Variants in CD5L observed in about 807,000 individuals in gnomAD.
The protein encoded by CD5L is CD5 antigen-like.
Under a neutral mutation model 40.8 loss-of-function variants are expected in CD5L, and 39 were observed. The observed-to-expected ratio is 0.96, with a 90% CI of 0.74 to 1.25. The LOEUF (loss-of-function observed/expected upper bound fraction) is 1.25. Among genes scored for constraint, CD5L ranks in the 50% most tolerant of loss-of-function variants. CD5L has a pLI of 0.00. For missense variants in CD5L, 433 were observed against 435.9 expected (o/e 0.99, Z 0.06); for synonymous variants, 192 against 169.6 (o/e 1.13, Z -1.03).
At chr1:157,828,641 C>T (rs1244341979), downstream of CD5L, among the ~76,000 whole-genome samples, 1 of 152,130 alleles carries the variant, frequency 6.6e-6, no homozygotes, top group Non-Finnish European at 1.5e-5. Flanking sequence ...ACTCAGTTGC[C>T]CCCAGCAGTA....
At chr1:157,830,830 C>A (rs953775867), downstream of CD5L, 1 of 526,844 alleles carries the variant, frequency 1.9e-6, no homozygotes, top group Non-Finnish European at 2.4e-6. Context: ...TTCTACCTAA[C>A]CCTGTTTAAG....
chr1:157,839,480 G>A (rs1329245092), intron 1 of CD5L, 70 bp from the exon 2 acceptor site: 6 of 1,516,508 alleles, frequency 4.0e-6, no homozygotes, highest in Non-Finnish European at 5.5e-6. Flanking sequence ...AACTCTAGAA[G>A]GCCTTCACAG....
rs779503779 is a variant in CD5L at position 157,841,724 on chromosome 1, G to A, written c.-23C>T. 3 of 1,611,586 alleles carry A rather than the reference G, an allele frequency of 1.9e-6. No homozygotes were observed. The highest frequency in any genetic ancestry group is 1.7e-6 in the Non-Finnish European group (2 of 1,178,486). ...CATGACCAAGGCAGGTGAAGGTGAT[G>A]AGCTGAAATTTAAGGCTAGAAGGAG... On this transcript the variant is annotated 5_prime_UTR_variant, in exon 1 of 6. Transcript: ENST00000368174.
At chr1:157,833,048 C>T in intron 5 of CD5L, 144 bp downstream of exon 5, 1 of 723,038 alleles carries the variant, frequency 1.4e-6, no homozygotes, top group Non-Finnish European at 2.3e-6. Flanking sequence ...AGCCATATCC[C>T]TGGAAGTACA....
At chr1:157,835,718 G>A (rs1041425655) in intron 3 of CD5L, 117 bp downstream of exon 3, 3 of 780,890 alleles carry the variant, frequency 3.8e-6, no homozygotes, top group Non-Finnish European at 6.3e-6. Context: ...GAGATGTGGG[G>A]GGTGAGGGGC....
intron 1 of CD5L, among the ~76,000 whole-genome samples, chr1:157,841,114 G>T (rs1011885732): frequency 1.3e-5 from 2 of 152,096 alleles, no homozygotes; most frequent in Non-Finnish European, 2.9e-5. Context: ...TTTCAGAGAG[G>T]TATGGTAACC....
Position 157,834,845 on chromosome 1 carries a change from C to A in CD5L, c.377-97G>T, listed in dbSNP as rs369226585. On this transcript the variant is annotated intron_variant, in intron 3 of 5. Transcript: ENST00000368174. ...GACACATCTCACAGTTCTTGGTGTT[C>A]AGTACAAGGCATGCTAAAGTGCTTA... 101 of 876,286 alleles carry A rather than the reference C, an allele frequency of 1.2e-4. No individual in the cohort carries two copies. The African/African-American group carries it at 1.4e-3, about 12-fold the overall frequency. 54.3% of individuals were successfully genotyped at this position (876,286 alleles called of 1,614,324 possible). A position where few individuals can be genotyped will look rare whatever the true frequency, so the allele number is the denominator to read the frequency against.
chr1:157,832,483 A>G (rs1178937691), intron 5 of CD5L, among the ~76,000 whole-genome samples: 1 of 152,220 alleles, frequency 6.6e-6, no homozygotes, highest in Non-Finnish European at 1.5e-5. Context: ...ATGGGGCTTC[A>G]GACGGGTGGC....
At chr1:157,835,344 C>T (rs2101938127) in intron 3 of CD5L, among the ~76,000 whole-genome samples, 1 of 152,284 alleles carries the variant, frequency 6.6e-6, no homozygotes, top group South Asian at 2.1e-4. Context: ...AGCACAGATC[C>T]GTTTGTCTAT....
downstream of CD5L, among the ~76,000 whole-genome samples, chr1:157,829,507 G>A (rs915618057): frequency 4.6e-5 from 7 of 152,024 alleles, no homozygotes; most frequent in Non-Finnish European, 1.0e-4. Flanking sequence ...AAGAATTATT[G>A]GGCATTTATA....
rs1480526823 is a variant in CD5L at position 157,834,426 on chromosome 1, GTCT to G, written c.696_698del (p.Glu232del). ...CATTACCTTCACATTCGACCCACGT[GTCT>G]TCATCATGGTTGCAGGTGTTCTTCC... On this transcript the variant is annotated inframe_deletion, in exon 4 of 6. Transcript: ENST00000368174. 1.9e-6 allele frequency: 3 copies of G among 1,613,490 alleles called. No homozygotes were observed. Among genetic ancestry groups the G allele is most frequent in the Admixed American group, 3.3e-5 (2 of 59,968 alleles).
Position 157,834,417 on chromosome 1 carries a change from G to T in CD5L, c.708C>A (p.Val236=), listed in dbSNP as rs770986368. The part of the protein sequence containing the change: ...NTCNHDEDTW[V]ECEDPFDLRL... ...ACGCACAGGCATTACCTTCACATTC[G>T]ACCCACGTGTCTTCATCATGGTTGC... Residue 236 remains valine, a synonymous_variant, in exon 4 of 6, where the codon GTC becomes GTA. Transcript: ENST00000368174. 44 of 1,610,996 alleles carry T rather than the reference G, an allele frequency of 2.7e-5. No individual in the cohort carries two copies. The highest frequency in any genetic ancestry group is 3.6e-5 in the Non-Finnish European group (42 of 1,177,884).
chr1:157,834,292 A>G (rs1260790875), intron 4 of CD5L, 115 bp downstream of exon 4: 6 of 819,016 alleles, frequency 7.3e-6, no homozygotes, highest in South Asian at 1.8e-5. Context: ...GCCCAGTTAA[A>G]TAAGTTTGCA....
chr1:157,831,877 A>C lies in CD5L; in HGVS notation c.*87T>G, dbSNP rs1656060601. On this transcript the variant is annotated 3_prime_UTR_variant, in exon 6 of 6. Transcript: ENST00000368174. Reference sequence around the variant, plus strand: ...GAGTAGTGGCTCAAGCCTGAGCCCCAGAATGAGTATGAGGATAATCAGGGC... The same window carrying C: ...GAGTAGTGGCTCAAGCCTGAGCCCCCGAATGAGTATGAGGATAATCAGGGC... The C allele has an allele frequency of 6.5e-5, 97 of 1,494,806 alleles. No homozygotes were observed. The South Asian group carries it at 1.4e-3, about 21-fold the overall frequency. 92.6% of individuals were successfully genotyped at this position (1,494,806 alleles called of 1,614,324 possible).
chr1:157,834,565 G>A lies in CD5L; in HGVS notation c.560C>T (p.Thr187Ile), dbSNP rs1288752348. ...GGCATGCTTGTTGCAGCGTTTTTGA[G>A]TCAGTACAGCCCTCCCACATCCCAG... ...RQLGCGRAVL[T>I]QKRCNKHAYG... Residue 187 changes from threonine to isoleucine, a missense_variant, in exon 4 of 6, where the codon ACT becomes ATT. Physicochemically the swap from Thr to Ile is moderately conservative, Grantham distance 89. Transcript: ENST00000368174. 1 of 1,614,206 alleles carries A rather than the reference G, an allele frequency of 6.2e-7. No individual in the cohort carries two copies. The highest frequency in any genetic ancestry group is 8.5e-7 in the Non-Finnish European group (1 of 1,180,036).
intron 2 of CD5L, among the ~76,000 whole-genome samples, chr1:157,837,262 C>T (rs1571452935): frequency 6.6e-6 from 1 of 152,116 alleles, no homozygotes; most frequent in Non-Finnish European, 1.5e-5. Flanking sequence ...AAATTTTCTT[C>T]CTTCCACCAA....
At chr1:157,827,206 C>G (rs1655922336), downstream of CD5L, among the ~76,000 whole-genome samples, 1 of 151,938 alleles carries the variant, frequency 6.6e-6, no homozygotes, top group Non-Finnish European at 1.5e-5. Context: ...CCTCTAGAAT[C>G]TCTTTCAGTA....
chr1:157,839,404 C>T lies in CD5L; in HGVS notation c.35G>A (p.Cys12Tyr), dbSNP rs377406026. Residue 12 changes from cysteine to tyrosine, a missense_variant, in exon 2 of 6, where the codon TGC (cysteine) becomes TAC (tyrosine). Coordinates refer to ENST00000368174, the MANE Select transcript of CD5L (RefSeq NM_005894.3). ...CTTACCTAGGAATCCAGGTCTGGTGCAAATGGCTGGGGAAGAAAGAAGGAA... is the reference window on the plus strand; with the variant it reads ...CTTACCTAGGAATCCAGGTCTGGTGTAAATGGCTGGGGAAGAAAGAAGGAA... ...ALLFSLILAI[C>Y]TRPGFLASPS... is the part of the protein sequence containing the mutation. The T allele has an allele frequency of 6.2e-7, 1 of 1,613,176 alleles. No individual in the cohort carries two copies. The highest frequency in any genetic ancestry group is 8.5e-7 in the Non-Finnish European group (1 of 1,179,784).
chr1:157,836,061 A>T lies in CD5L; in HGVS notation c.150T>A (p.Asp50Glu). Residue 50 changes from aspartate to glutamate, a missense_variant, in exon 3 of 6, where the codon GAT becomes GAA. Physicochemically the swap from Asp to Glu is conservative, Grantham distance 45 (BLOSUM62 2). Coordinates refer to ENST00000368174, the MANE Select transcript of CD5L (RefSeq NM_005894.3). ...EQKGQWGTVC[D>E]DGWDIKDVAV... ...CCACGTCCTTAATGTCCCAGCCGTCATCACACACGGTGCCCCACTGGCCTT... is the reference window on the plus strand; with the variant it reads ...CCACGTCCTTAATGTCCCAGCCGTCTTCACACACGGTGCCCCACTGGCCTT... The T allele has an allele frequency of 6.2e-7, 1 of 1,614,146 alleles. No individual in the cohort carries two copies. The highest frequency in any genetic ancestry group is 1.1e-5 in the South Asian group (1 of 91,084).
Sources: gnomAD v4.1 joint callset for allele counts (sites outside exome capture counted in the v4.1 genomes callset) on GRCh38, gnomAD v4.1.1 for gene constraint, MANE v1.5 for transcripts, NCBI Gene and HGNC (gene_info 2026-07-23, HGNC 2026-07-21) for gene names.